The following ANK2 variants were observed in gnomAD, a reference collection of about 807,000 sequenced individuals.
ANK2 encodes the protein ankyrin 2, also known as ankyrin-2.
Under a neutral mutation model 360.5 loss-of-function variants are expected in ANK2, and 83 were observed. The ratio of observed to expected loss-of-function variants is 0.23; its 90% CI spans 0.19 to 0.28. The LOEUF is 0.28. Ranked by LOEUF, ANK2 falls within the 10% of genes least tolerant of loss-of-function variation. The probability of loss-of-function intolerance (pLI) is 1.00; values close to 1 mark genes in which losing one functional copy is unlikely to be tolerated. For missense variants in ANK2, 4,201 were observed against 4,795.7 expected (o/e 0.88, Z 3.66); for synonymous variants, 1,740 against 1,759.5 (o/e 0.99, Z 0.28).
intron 1 of ANK2, among the ~76,000 whole-genome samples, chr4:112,899,471 T>C (rs945304983): frequency 1.3e-5 from 2 of 152,192 alleles, no homozygotes; most frequent in African/African-American, 4.8e-5. Flanking sequence ...AAAAACCCAA[T>C]TTTCTTAGCC....
rs185923924 is a variant in ANK2, at chr4:113,017,832, C to T, written c.21+113318C>T. ...TGCAATGGGATTCATACCAATTACT[C>T]TGAAAGGCTTTTTCTCCTTACCTTT... On this transcript the variant is annotated intron_variant, in intron 2 of 30. Coordinates refer to the ANK2 transcript ENST00000503271. Among the ~76,000 whole-genome samples the T allele has an allele frequency of 3.2e-3, 489 of 152,294 alleles. 1 individual carries two copies. The highest frequency in any genetic ancestry group is 6.9e-3 in the South Asian group (33 of 4,814).
rs757747051 is a variant in ANK2 at position 113,356,328 on chromosome 4, G to C, written c.7710G>C (p.Glu2570Asp). 1.2e-6 allele frequency: 2 copies of C among 1,614,128 alleles called. No individual in the cohort carries two copies. The highest frequency in any genetic ancestry group is 2.2e-5 in the South Asian group (2 of 91,078). Residue 2570 changes from glutamate to aspartate, a missense_variant, in exon 38 of 46, where the codon GAG becomes GAC. Glu to Asp is a conservative substitution (Grantham distance 45). This residue lies in a region of ANK2 where 2,642 missense variants were observed against 2,714.5 expected (regional missense o/e 0.97). Coordinates refer to ENST00000357077, the MANE Select transcript of ANK2 (RefSeq NM_001148.6). Reference protein sequence around the residue: ...PKPAVIHECAEEDDSENGEKK... With the variant: ...PKPAVIHECADEDDSENGEKK... ...CAGCTGTGATTCATGAATGTGCAGAGGAGGATGATTCAGAAAACGGGGAGA... is the reference window on the plus strand; with the variant it reads ...CAGCTGTGATTCATGAATGTGCAGACGAGGATGATTCAGAAAACGGGGAGA...
the ANK2 span, among the ~76,000 whole-genome samples, chr4:112,782,148 CTT>C: frequency 2.0e-4 from 30 of 152,052 alleles, no homozygotes; most frequent in African/African-American, 7.2e-4. Flanking sequence ...TTTTAGAAGT[CTT>C]TATATTTTAA....
chr4:112,883,080 C>A (rs187954707), intron 1 of ANK2, among the ~76,000 whole-genome samples: 1,520 of 121,206 alleles, frequency 0.013, 19 homozygotes, highest in African/African-American at 0.035. Flanking sequence ...ACTCTTTTGC[C>A]CAGGCTGGAG....
chr4:113,307,376 A>G (rs986625894), intron 23 of ANK2, among the ~76,000 whole-genome samples: 8 of 149,216 alleles, frequency 5.4e-5, no homozygotes, highest in African/African-American at 2.0e-4. Context: ...CCTTGTCAGC[A>G]TCATGAGGGG....
In ANK2 at chr4:113,354,490, G is replaced by A. The variant is rs1018727770; in HGVS notation, c.5872G>A (p.Glu1958Lys). 2 of 1,614,080 alleles carry A rather than the reference G, an allele frequency of 1.2e-6. No individual in the cohort carries two copies. Among genetic ancestry groups the A allele is most frequent in the Non-Finnish European group, 1.7e-6 (2 of 1,180,004 alleles). The change falls in exon 38 of 46, where the codon GAG becomes AAG. Residue 1958 changes from glutamate (E) to lysine (K), a missense_variant. By Grantham distance (56) the Glu-to-Lys change is moderately conservative. This residue lies in a region of ANK2 where 2,642 missense variants were observed against 2,714.5 expected (regional missense o/e 0.97). Coordinates refer to ENST00000357077, the MANE Select transcript of ANK2 (RefSeq NM_001148.6). ...ACCTGTATCAACAGCTGGGAAAACT[G>A]AGAAGCACCTGCCTGTGTCACCTTC... ...HQPVSTAGKT[E>K]KHLPVSPSGK... is the part of the protein sequence containing the mutation.
At chr4:112,863,250 A>C (rs1431593882) in intron 1 of ANK2, among the ~76,000 whole-genome samples, 1 of 152,130 alleles carries the variant, frequency 6.6e-6, no homozygotes. Context: ...TGAAAATCTG[A>C]AGAGTCAATA....
chr4:112,850,995 A>G (rs2064842464), intron 1 of ANK2, among the ~76,000 whole-genome samples: 1 of 152,146 alleles, frequency 6.6e-6, no homozygotes, highest in Non-Finnish European at 1.5e-5. Flanking sequence ...TGATTTCGTT[A>G]CTTGAAGGAC....
chr4:112,766,931 C>T, the ANK2 span, among the ~76,000 whole-genome samples: 1 of 152,224 alleles, frequency 6.6e-6, no homozygotes, highest in Admixed American at 6.5e-5. Flanking sequence ...TACAAACCAT[C>T]ACTCTACAAA....
At chr4:113,364,933 T>G (rs2096448719) in intron 40 of ANK2, 106 bp from the exon 41 acceptor site, 1 of 1,379,988 alleles carries the variant, frequency 7.2e-7, no homozygotes, top group East Asian at 2.3e-5. Flanking sequence ...AGGCTTTGAT[T>G]GTTTTTTTCT....
At chr4:112,765,484 C>G in the ANK2 span, among the ~76,000 whole-genome samples, 2 of 152,144 alleles carry the variant, frequency 1.3e-5, no homozygotes, top group African/African-American at 4.8e-5. Flanking sequence ...TGTTTTAGCT[C>G]ACTTCTGGCT....
chr4:113,364,764 T>A (rs1167925450), intron 40 of ANK2, among the ~76,000 whole-genome samples: 2 of 152,254 alleles, frequency 1.3e-5, no homozygotes, highest in African/African-American at 4.8e-5. Flanking sequence ...GGCATATTTA[T>A]ACTAAAGAAG....
At chr4:113,002,926 A>G (rs1322614431) in intron 2 of ANK2, among the ~76,000 whole-genome samples, 3 of 152,202 alleles carry the variant, frequency 2.0e-5, no homozygotes, top group Admixed American at 1.3e-4. Flanking sequence ...ACTCTTGCCC[A>G]TCTGATATGA....
chr4:112,733,990 G>T, the ANK2 span, among the ~76,000 whole-genome samples: 2 of 152,278 alleles, frequency 1.3e-5, no homozygotes, highest in South Asian at 4.1e-4. Flanking sequence ...GGCCAGGCTG[G>T]TCTCGAACTC....
chr4:113,224,230 T>G (rs1426270006), intron 4 of ANK2, among the ~76,000 whole-genome samples: 1 of 152,226 alleles, frequency 6.6e-6, no homozygotes, highest in Non-Finnish European at 1.5e-5. Context: ...TCAAAGAATT[T>G]GCAGGTGTAT....
chr4:112,919,808 T>G (rs1385576720), intron 2 of ANK2, among the ~76,000 whole-genome samples: 1 of 152,172 alleles, frequency 6.6e-6, no homozygotes, highest in Non-Finnish European at 1.5e-5. Context: ...GTGCATTATA[T>G]CTGCCATTAA....
At position 113,311,233 on chromosome 4, in the gene ANK2, T is replaced by G. The variant is rs45556433; in HGVS notation, c.2549-22T>G. 9 of 1,613,958 alleles carry G rather than the reference T, an allele frequency of 5.6e-6. No homozygotes were observed. In the African/African-American group the frequency reaches 1.2e-4, roughly 22 times the overall value. ...TATTACATTCAAGAAATAATCCTGCTTCTTCCTCTGATTGTTTCAAGGTGA... is the reference window on the plus strand; with the variant it reads ...TATTACATTCAAGAAATAATCCTGCGTCTTCCTCTGATTGTTTCAAGGTGA... On this transcript the variant is annotated intron_variant, in intron 23 of 45. Coordinates refer to ENST00000357077, the MANE Select transcript of ANK2 (RefSeq NM_001148.6).
At chr4:113,051,713 A>C (rs2067114163) in intron 1 of ANK2, among the ~76,000 whole-genome samples, 1 of 152,146 alleles carries the variant, frequency 6.6e-6, no homozygotes, top group Non-Finnish European at 1.5e-5. Context: ...AGTGGGTCTG[A>C]ATCTCAGTTC....
intron 29 of ANK2, among the ~76,000 whole-genome samples, chr4:113,335,155 A>G (rs1438319547): frequency 6.6e-6 from 1 of 152,178 alleles, no homozygotes. Flanking sequence ...CTGAATATCT[A>G]CACTAATGCA....
Sources: allele counts gnomAD v4.1 joint callset (sites outside exome capture counted in the v4.1 genomes callset), GRCh38; gene constraint gnomAD v4.1.1; regional missense constraint gnomAD v4.1.1; transcripts MANE v1.5; gene names NCBI Gene and HGNC (gene_info 2026-07-23, HGNC 2026-07-21).